The following CNTNAP2 variants were observed in gnomAD, a reference collection of about 807,000 sequenced individuals.
The protein encoded by CNTNAP2 is contactin associated protein 2.
A neutral mutation model predicts 155.2 loss-of-function variants in CNTNAP2; 98 were observed. The observed-to-expected ratio is 0.63, with a 90% CI of 0.54 to 0.75. The LOEUF (loss-of-function observed/expected upper bound fraction) is 0.75. Among genes scored for constraint, CNTNAP2 ranks in the 30% least tolerant of loss-of-function variants. The pLI, the probability that CNTNAP2 is intolerant of heterozygous loss-of-function variation, is 0.00. For missense variants in CNTNAP2, 1,727 were observed against 1,688.1 expected (o/e 1.02, Z -0.40); for synonymous variants, 651 against 631.2 (o/e 1.03, Z -0.47).
intron 15 of CNTNAP2, among the ~76,000 whole-genome samples, chr7:147,997,756 T>A (rs1187017096): frequency 6.6e-6 from 1 of 152,094 alleles, no homozygotes. Flanking sequence ...ATGGGAGTCT[T>A]ACCTGATTAT....
intron 12 of CNTNAP2, among the ~76,000 whole-genome samples, chr7:147,617,158 A>G (rs553097642): frequency 6.6e-6 from 1 of 152,256 alleles, no homozygotes; most frequent in Non-Finnish European, 1.5e-5. Flanking sequence ...TTCATGCGAC[A>G]CATCCCCATT....
intron 3 of CNTNAP2, among the ~76,000 whole-genome samples, chr7:146,935,449 G>A (rs1442921260): frequency 2.0e-5 from 3 of 152,258 alleles, no homozygotes; most frequent in Non-Finnish European, 4.4e-5. Flanking sequence ...ACAGAACTTT[G>A]GTTCACTCCC....
chr7:147,879,032 A>G (rs748186843), intron 13 of CNTNAP2, among the ~76,000 whole-genome samples: 3 of 152,242 alleles, frequency 2.0e-5, no homozygotes, highest in Non-Finnish European at 4.4e-5. Context: ...GTTATTGAAG[A>G]GAACCTCTCT....
chr7:147,310,693 C>A (rs1415778801), intron 9 of CNTNAP2, among the ~76,000 whole-genome samples: 1 of 151,992 alleles, frequency 6.6e-6, no homozygotes, highest in Non-Finnish European at 1.5e-5. Context: ...AAAAAGAAAT[C>A]TTTAATGTAT....
chr7:146,250,282 T>C (rs925684910), intron 1 of CNTNAP2, among the ~76,000 whole-genome samples: 1 of 152,234 alleles, frequency 6.6e-6, no homozygotes, highest in African/African-American at 2.4e-5. Context: ...CTGAATTCTA[T>C]GAAATTACTA....
intron 1 of CNTNAP2, among the ~76,000 whole-genome samples, chr7:146,426,617 C>A (rs1478014909): frequency 8.2e-5 from 10 of 121,346 alleles, no homozygotes; most frequent in African/African-American, 3.3e-4. Flanking sequence ...ATTTCAATAA[C>A]ACCTTTAAAA....
At chr7:148,090,511 A>G (rs2116562966) in intron 15 of CNTNAP2, among the ~76,000 whole-genome samples, 1 of 152,194 alleles carries the variant, frequency 6.6e-6, no homozygotes, top group African/African-American at 2.4e-5. Context: ...AAAAGGTTTA[A>G]TATCACTAAT....
At chr7:147,388,644 A>G (rs1796660788) in intron 9 of CNTNAP2, among the ~76,000 whole-genome samples, 1 of 151,424 alleles carries the variant, frequency 6.6e-6, no homozygotes, top group Non-Finnish European at 1.5e-5. Flanking sequence ...GCAATGGCGC[A>G]ATCTTGGCTC....
chr7:147,968,743 C>T lies in CNTNAP2; in HGVS notation c.2256-9119C>T, dbSNP rs143426606. On this transcript the variant is annotated intron_variant, in intron 14 of 23. Coordinates refer to ENST00000361727, the MANE Select transcript of CNTNAP2 (RefSeq NM_014141.6). ...ATAATCATTTCAGTGATGCCAGGAA[C>T]GTTCCTCTCTCTCTCCCATTCACCC... is the stretch of plus-strand genomic sequence containing the variant. Among the ~76,000 whole-genome samples, 743 of 152,260 alleles carry T rather than the reference C, an allele frequency of 4.9e-3. 8 individuals are homozygous for T. The highest frequency in any genetic ancestry group is 0.017 in the African/African-American group (718 of 41,550).
intron 13 of CNTNAP2, among the ~76,000 whole-genome samples, chr7:147,776,515 A>G (rs1413786885): frequency 6.6e-6 from 1 of 152,202 alleles, no homozygotes; most frequent in Non-Finnish European, 1.5e-5. Flanking sequence ...TGTCTTAAAA[A>G]GTCAGCTACA....
chr7:147,078,756 T>C (rs1800049251), intron 4 of CNTNAP2, among the ~76,000 whole-genome samples: 1 of 111,218 alleles, frequency 9.0e-6, no homozygotes, highest in South Asian at 2.3e-4. Flanking sequence ...CTCATTTAAT[T>C]TTTTTTTTTT....
chr7:147,888,726 A>T (rs1471933230), intron 13 of CNTNAP2, among the ~76,000 whole-genome samples: 2 of 130,862 alleles, frequency 1.5e-5, no homozygotes, highest in Non-Finnish European at 3.5e-5. Context: ...GAAACAAACT[A>T]TTGTGAGAAA....
intron 1 of CNTNAP2, among the ~76,000 whole-genome samples, chr7:146,289,477 T>A (rs1800394079): frequency 6.6e-6 from 1 of 152,324 alleles, no homozygotes; most frequent in South Asian, 2.1e-4. Context: ...TTATGATTAA[T>A]TACTTTCCTG....
chr7:146,172,986 T>C (rs574276119), intron 1 of CNTNAP2, among the ~76,000 whole-genome samples: 11 of 152,312 alleles, frequency 7.2e-5, no homozygotes, highest in Admixed American at 6.5e-4. Flanking sequence ...GTGTTTTTTT[T>C]CTAATAAAAT....
chr7:146,250,957 G>A (rs571992269), intron 1 of CNTNAP2, among the ~76,000 whole-genome samples: 1 of 152,264 alleles, frequency 6.6e-6, no homozygotes, highest in Admixed American at 6.5e-5. Flanking sequence ...TGACAAAATA[G>A]CCATTATTTT....
intron 1 of CNTNAP2, among the ~76,000 whole-genome samples, chr7:146,173,705 T>C (rs1798427527): frequency 6.6e-6 from 1 of 152,210 alleles, no homozygotes; most frequent in African/African-American, 2.4e-5. Flanking sequence ...ACTAGGACTC[T>C]AAAAATTGCT....
At chr7:148,192,530 CA>C (rs199930400) in intron 18 of CNTNAP2, among the ~76,000 whole-genome samples, 44 of 135,778 alleles carry the variant, frequency 3.2e-4, no homozygotes, top group Admixed American at 5.2e-4. Context: ...AATGGATGAC[CA>C]AAAAAAAAAA....
chr7:147,856,179 G>A (rs1171352006), intron 13 of CNTNAP2, among the ~76,000 whole-genome samples: 1 of 151,716 alleles, frequency 6.6e-6, no homozygotes, highest in Non-Finnish European at 1.5e-5. Context: ...GCCCATATAG[G>A]GTTTCTTGTT....
chr7:146,640,355 G>A (rs1799684186), intron 1 of CNTNAP2, among the ~76,000 whole-genome samples: 1 of 152,154 alleles, frequency 6.6e-6, no homozygotes, highest in African/African-American at 2.4e-5. Context: ...TTTGGTGGCT[G>A]GTTCTAATTT....
Sources: gnomAD v4.1 joint callset for allele counts (sites outside exome capture counted in the v4.1 genomes callset) on GRCh38, gnomAD v4.1.1 for gene constraint, MANE v1.5 for transcripts, NCBI Gene and HGNC (gene_info 2026-07-23, HGNC 2026-07-21) for gene names.